Variants in ADAMTS2 observed in about 807,000 individuals in gnomAD.
ADAMTS2 encodes A disintegrin and metalloproteinase with thrombospondin motifs 2.
A neutral mutation model predicts 123.0 loss-of-function variants in ADAMTS2; 50 were observed. The observed-to-expected ratio is 0.41, with a 90% confidence interval of 0.32 to 0.51. The LOEUF is 0.51. Ranked by LOEUF, ADAMTS2 falls within the 20% of genes least tolerant of loss-of-function variation. The pLI is 0.35. For missense variants in ADAMTS2, 1,494 were observed against 1,705.2 expected (o/e 0.88, Z 2.18); for synonymous variants, 678 against 695.4 (o/e 0.98, Z 0.39).
intron 2 of ADAMTS2, among the ~76,000 whole-genome samples, chr5:179,339,002 C>T (rs1322753121): frequency 6.6e-6 from 1 of 152,052 alleles, no homozygotes; most frequent in Admixed American, 6.5e-5. Context: ...CAGAGGCAGC[C>T]GAGCAGGCAA....
chr5:179,345,255 GGCGGCA>G lies in ADAMTS2; in HGVS notation c.68_73del (p.Leu23_Pro24del). ...CGGCGGCGGCGGCGGCAGGAGCGGC[GGCGGCA>G]GCAGCAGCAGCAGCAGCAGCAGCGC... On this transcript the variant is annotated inframe_deletion, in exon 1 of 22. Coordinates refer to ENST00000251582, the MANE Select transcript of ADAMTS2 (RefSeq NM_014244.5). The surrounding 1 kb of genome is among the most constrained non-coding windows in gnomAD (Gnocchi z 7.5). The G allele has an allele frequency of 1.7e-6, 2 of 1,148,526 alleles. No homozygotes were observed. Among genetic ancestry groups the G allele is most frequent in the East Asian group, 4.6e-5 (1 of 21,956 alleles). The allele number at this position is 1,148,526 out of a possible 1,614,324, so 71.1% of individuals were successfully genotyped here.
rs1407916380 is a variant in ADAMTS2 at position 179,155,916 on chromosome 5, T to C, written c.1133-997A>G. ...GAAGGAGGGCCACTGGGACCCCGGGTGAGCTGGCGGTGTACGCGCCTAAAA... is the reference window on the plus strand; with the variant it reads ...GAAGGAGGGCCACTGGGACCCCGGGCGAGCTGGCGGTGTACGCGCCTAAAA... On this transcript the variant is annotated intron_variant, in intron 6 of 21. Coordinates refer to ENST00000251582, the MANE Select transcript of ADAMTS2 (RefSeq NM_014244.5). The surrounding 1 kb of genome is among the most constrained non-coding windows in gnomAD (Gnocchi z 5.1). Among the ~76,000 whole-genome samples the C allele has an allele frequency of 6.6e-6, 1 of 152,048 alleles. No homozygotes were observed. Among genetic ancestry groups the C allele is most frequent in the East Asian group, 1.9e-4 (1 of 5,172 alleles).
At chr5:179,250,212 T>C (rs1258633884) in intron 3 of ADAMTS2, among the ~76,000 whole-genome samples, 1 of 152,150 alleles carries the variant, frequency 6.6e-6, no homozygotes, top group African/African-American at 2.4e-5. Flanking sequence ...AAAGGGTATT[T>C]ACGAAAAGCC....
At chr5:179,335,672 C>T (rs1344771885) in intron 2 of ADAMTS2, among the ~76,000 whole-genome samples, 2 of 152,212 alleles carry the variant, frequency 1.3e-5, no homozygotes, top group Non-Finnish European at 2.9e-5. Flanking sequence ...CCAATATGCT[C>T]ACAGCTCTCA....
chr5:179,193,168 C>T (rs1308853174), intron 4 of ADAMTS2, among the ~76,000 whole-genome samples: 3 of 152,140 alleles, frequency 2.0e-5, no homozygotes, highest in African/African-American at 7.2e-5. Flanking sequence ...CTGCCAAGGC[C>T]CTGTCCTCGC....
At chr5:179,205,559 C>G (rs1018801763) in intron 4 of ADAMTS2, among the ~76,000 whole-genome samples, 3 of 152,190 alleles carry the variant, frequency 2.0e-5, no homozygotes, top group African/African-American at 7.2e-5. Flanking sequence ...AAGCCCAGTC[C>G]TTTCCCCGCT....
chr5:179,294,522 C>T (rs1756277970), intron 2 of ADAMTS2, among the ~76,000 whole-genome samples: 1 of 152,192 alleles, frequency 6.6e-6, no homozygotes, highest in African/African-American at 2.4e-5. Context: ...CAAGTCTGAC[C>T]CACCCACGTG....
chr5:179,270,321 C>A (rs551115828), intron 3 of ADAMTS2, among the ~76,000 whole-genome samples: 1 of 152,198 alleles, frequency 6.6e-6, no homozygotes, highest in African/African-American at 2.4e-5. Context: ...GCCCATCCCC[C>A]ACTGGGACAC....
In ADAMTS2 at chr5:179,294,440, C is replaced by T. The variant is rs964768362; in HGVS notation, c.535-21376G>A. On this transcript the variant is annotated intron_variant, in intron 2 of 21. Coordinates refer to ENST00000251582, the MANE Select transcript of ADAMTS2 (RefSeq NM_014244.5). ...ATGGCTAGAAGCTCTGTCCAGGCTCCGAGGGCTGCCCAGCAGACCCACCCT... is the reference window on the plus strand; with the variant it reads ...ATGGCTAGAAGCTCTGTCCAGGCTCTGAGGGCTGCCCAGCAGACCCACCCT... Among the ~76,000 whole-genome samples the T allele has an allele frequency of 8.5e-5, 13 of 152,322 alleles. No individual in the cohort carries two copies. The East Asian group carries it at 1.5e-3, about 18-fold the overall frequency.
rs1168137090 is a variant in ADAMTS2 at position 179,242,781 on chromosome 5, T to C, written c.688+30130A>G. 2.0e-5 allele frequency among the ~76,000 whole-genome samples: 3 copies of C among 152,048 alleles called. No individual in the cohort carries two copies. In the East Asian group the frequency reaches 5.8e-4, roughly 29 times the overall value. ...CTCAGATCCCAGTCAAGGAATACAG[T>C]ATTTCACCAGGATAGATGGGCCACC... On this transcript the variant is annotated intron_variant, in intron 3 of 21. Coordinates refer to ENST00000251582, the MANE Select transcript of ADAMTS2 (RefSeq NM_014244.5). This position sits in a 1 kb window ranked among gnomAD's most constrained non-coding sequence, Gnocchi z 4.2.
At chr5:179,270,984 G>A (rs1247675798) in intron 3 of ADAMTS2, among the ~76,000 whole-genome samples, 1 of 152,090 alleles carries the variant, frequency 6.6e-6, no homozygotes, top group African/African-American at 2.4e-5. Context: ...CCTCCTCCCC[G>A]ACAGCCCATT....
chr5:179,153,746 G>A, intron 8 of ADAMTS2, 123 bp from the exon 9 acceptor site: 2 of 1,389,826 alleles, frequency 1.4e-6, no homozygotes, highest in Non-Finnish European at 1.9e-6. Context: ...CCGGCCCCTG[G>A]CTGTGCTGCC....
At chr5:179,245,875 A>G (rs1489990048) in intron 3 of ADAMTS2, among the ~76,000 whole-genome samples, 1 of 151,740 alleles carries the variant, frequency 6.6e-6, no homozygotes, top group Non-Finnish European at 1.5e-5. Context: ...TTAAGTTAAT[A>G]TAAATCTAAA....
chr5:179,154,838 A>G lies in ADAMTS2; in HGVS notation c.1214T>C (p.Val405Ala), dbSNP rs1294361326. The G allele has an allele frequency of 6.2e-7, 1 of 1,612,916 alleles. No individual in the cohort carries two copies. The highest frequency in any genetic ancestry group is 1.1e-5 in the South Asian group (1 of 90,682). ...NHEDGFSSAF[V>A]VAHETGHVLG... ...CACGTGGCCAGTCTCATGGGCCACC[A>G]CAAACGCTGAGGAGAAGCCGTCCTC... The change falls in exon 7 of 22, where the codon GTG becomes GCG. Residue 405 changes from valine to alanine, a missense_variant. Around this residue, in one of 6 missense-constraint regions of ADAMTS2, gnomAD observed 47 missense variants for 92.7 expected, o/e 0.51. Coordinates refer to ENST00000251582, the MANE Select transcript of ADAMTS2 (RefSeq NM_014244.5).
Position 179,180,471 on chromosome 5 carries a change from G to C in ADAMTS2, c.975+601C>G, listed in dbSNP as rs1764019826. Among the ~76,000 whole-genome samples, 2 of 152,166 alleles carry C rather than the reference G, an allele frequency of 1.3e-5. No homozygotes were observed. The highest frequency in any genetic ancestry group is 2.1e-4 in the South Asian group (1 of 4,826). ...ATCCGAGCCTTGCTGACTCTGGAGG[G>C]ACTGCCCCGCTAAGTGGTAACCAAT... On this transcript the variant is annotated intron_variant, in intron 5 of 21. Coordinates refer to ENST00000251582, the MANE Select transcript of ADAMTS2 (RefSeq NM_014244.5). This position sits in a 1 kb window ranked among gnomAD's most constrained non-coding sequence, Gnocchi z 4.6.
intron 3 of ADAMTS2, among the ~76,000 whole-genome samples, chr5:179,265,449 G>A (rs1163124075): frequency 6.6e-6 from 1 of 152,186 alleles, no homozygotes; most frequent in Non-Finnish European, 1.5e-5. Flanking sequence ...GCCGTGGAGG[G>A]GGAGCACACC....
At chr5:179,191,126 C>A (rs1324135818) in intron 4 of ADAMTS2, among the ~76,000 whole-genome samples, 2 of 152,238 alleles carry the variant, frequency 1.3e-5, no homozygotes, top group Admixed American at 6.5e-5. Context: ...AGGACACGGC[C>A]GAGGCCTCAG....
At chr5:179,137,425 GTCAGCCCTGGCC>G (rs1419619033) in intron 12 of ADAMTS2, among the ~76,000 whole-genome samples, 1 of 152,242 alleles carries the variant, frequency 6.6e-6, no homozygotes, top group East Asian at 1.9e-4. Context: ...CCTTGGCAGG[GTCAGCCCTGGCC>G]TCAGCCCTGA....
At chr5:179,116,914 C>T (rs1166035351) in intron 21 of ADAMTS2, among the ~76,000 whole-genome samples, 1 of 152,100 alleles carries the variant, frequency 6.6e-6, no homozygotes, top group African/African-American at 2.4e-5. Flanking sequence ...GCCCAAGAAC[C>T]ATGCTCACAG....
Sources: allele counts gnomAD v4.1 joint callset (sites outside exome capture counted in the v4.1 genomes callset), GRCh38; gene constraint gnomAD v4.1.1; regional missense constraint gnomAD v4.1.1; non-coding constraint Gnocchi (gnomAD v3.1); transcripts MANE v1.5; gene names NCBI Gene and HGNC (gene_info 2026-07-23, HGNC 2026-07-21).